DAB1: variants seen among roughly 807,000 people sequenced by gnomAD.
DAB1 encodes DAB adaptor protein 1.
A neutral mutation model predicts 64.6 loss-of-function variants in DAB1; 15 were observed. The ratio of observed to expected loss-of-function variants is 0.23; its 90% confidence interval spans 0.16 to 0.36. The LOEUF is 0.36. DAB1 is among the 10% of genes least tolerant of loss of function. DAB1 has a pLI of 1.00. For missense variants in DAB1, 596 were observed against 706.7 expected, an observed-to-expected ratio of 0.84 and a Z score of 1.78; for synonymous variants, 235 against 251.9, an observed-to-expected ratio of 0.93 and a Z score of 0.64.
At chr1:57,465,116 T>C (rs1686912400) in intron 7 of DAB1, among the ~76,000 whole-genome samples, 1 of 152,138 alleles carries the variant, frequency 6.6e-6, no homozygotes, top group Admixed American at 6.6e-5. Context: ...CTCTAGTTCA[T>C]CAAAATTCCT....
At chr1:58,274,871 C>A (rs490246) in intron 4 of DAB1, among the ~76,000 whole-genome samples, 96,623 of 151,562 alleles carry the variant, frequency 0.64, 32,600 homozygotes, top group East Asian at 0.87. Flanking sequence ...GGCTCGCGCA[C>A]GGTGCGCGCA....
chr1:57,136,638 C>A lies in DAB1; in HGVS notation c.211G>T (p.Val71Phe). The change falls in exon 4 of 15, where the codon GTT becomes TTT. Residue 71 changes from valine to phenylalanine, a missense_variant. By Grantham distance (50) the Val-to-Phe change is conservative. This residue lies in a region of DAB1 where 176 missense variants were observed against 266.7 expected (regional missense o/e 0.66). Coordinates refer to ENST00000371236, the MANE Select transcript of DAB1 (RefSeq NM_001365792.1). ...CQDSMMKLKG[V>F]VAGARSKGEH... ...CCTTTGGAACGAGCGCCAGCAACAA[C>A]GCCCTGTTGAAAGGAAGAACATGGT... 1 of 1,511,482 alleles carries A rather than the reference C, an allele frequency of 6.6e-7. No homozygotes were observed. Among genetic ancestry groups the A allele is most frequent in the Non-Finnish European group, 9.0e-7 (1 of 1,114,398 alleles). The allele number at this position is 1,511,482 out of a possible 1,614,324, so 93.6% of individuals were successfully genotyped here. A position where few individuals can be genotyped will look rare whatever the true frequency, so the allele number is the denominator to read the frequency against.
rs1645611625 is a variant in DAB1, at chr1:56,996,269, A to G, written c.*1875T>C. The G allele has an allele frequency of 6.6e-6, 1 of 152,216 alleles. No individual in the cohort carries two copies. The highest frequency in any genetic ancestry group is 2.4e-5 in the African/African-American group (1 of 41,456). The allele number at this position is 152,216 out of a possible 1,614,324, so 9.4% of individuals were successfully genotyped here. A position where few individuals can be genotyped will look rare whatever the true frequency, so the allele number is the denominator to read the frequency against. Reference sequence around the variant, plus strand: ...TTCTACTTTTCAAATCTAAAAACCAAATAATAATAATTATCCTCAAATCCA... The same window carrying G: ...TTCTACTTTTCAAATCTAAAAACCAGATAATAATAATTATCCTCAAATCCA... On this transcript the variant is annotated 3_prime_UTR_variant, in exon 15 of 15. Coordinates refer to ENST00000371236, the MANE Select transcript of DAB1 (RefSeq NM_001365792.1).
At chr1:57,189,859 A>C (rs529155971) in intron 2 of DAB1, among the ~76,000 whole-genome samples, 25 of 151,678 alleles carry the variant, frequency 1.6e-4, no homozygotes, top group African/African-American at 5.6e-4. Flanking sequence ...AAAAAAAAAA[A>C]ACACAACAGA....
chr1:58,534,275 A>T (rs1440587246), intron 1 of DAB1: 2 of 870,722 alleles, frequency 2.3e-6, no homozygotes, highest in Non-Finnish European at 4.0e-6. Context: ...CTTCTTTAAC[A>T]GCCAGGTATC....
At chr1:58,429,497 G>A (rs924368035) in intron 3 of DAB1, among the ~76,000 whole-genome samples, 5 of 152,200 alleles carry the variant, frequency 3.3e-5, no homozygotes, top group Non-Finnish European at 5.9e-5. Context: ...AACAGAGGAA[G>A]GCCTTTCCCT....
intron 5 of DAB1, among the ~76,000 whole-genome samples, chr1:57,993,799 T>C (rs1646383784): frequency 6.6e-6 from 1 of 152,188 alleles, no homozygotes; most frequent in African/African-American, 2.4e-5. Context: ...GTTTAGCTCG[T>C]TCCTTAGGTC....
chr1:57,111,243 G>A (rs781566308), intron 4 of DAB1, among the ~76,000 whole-genome samples: 2 of 152,120 alleles, frequency 1.3e-5, no homozygotes, highest in East Asian at 1.9e-4. Context: ...CAGGCCACGT[G>A]TTCAAGAGAA....
At chr1:57,685,001 T>C (rs1238822774) in intron 6 of DAB1, among the ~76,000 whole-genome samples, 2 of 151,784 alleles carry the variant, frequency 1.3e-5, no homozygotes, top group Admixed American at 6.6e-5. Context: ...TCACCCAGGC[T>C]GGAGTGAGTG....
chr1:58,259,011 C>T lies in DAB1; in HGVS notation n.309+84341G>A, dbSNP rs569465952. Among the ~76,000 whole-genome samples, 5 of 152,206 alleles carry T rather than the reference C, an allele frequency of 3.3e-5. No homozygotes were observed. In the East Asian group the frequency reaches 9.6e-4, roughly 29 times the overall value. On this transcript the variant is annotated intron_variant and non_coding_transcript_variant, in intron 4 of 20. Coordinates refer to the DAB1 transcript ENST00000485760. The stretch of plus-strand genomic sequence containing the variant: ...GCTTAACTTTCCTGAGCTGTGGTTT[C>T]CTCTATTCTTAAGTGAAATAATAAT...
intron 3 of DAB1, among the ~76,000 whole-genome samples, chr1:58,381,666 TA>T (rs1428213592): frequency 6.6e-6 from 1 of 152,162 alleles, no homozygotes; most frequent in African/African-American, 2.4e-5. Context: ...GGTTTTTAAA[TA>T]AACTGGGGGA....
At chr1:57,370,181 C>T (rs1680385295) in intron 1 of DAB1, among the ~76,000 whole-genome samples, 1 of 152,186 alleles carries the variant, frequency 6.6e-6, no homozygotes, top group Non-Finnish European at 1.5e-5. Context: ...AGGTGAGCTC[C>T]TGAGGGCAGC....
chr1:58,529,827 T>A (rs570884349), intron 1 of DAB1, among the ~76,000 whole-genome samples: 1 of 152,358 alleles, frequency 6.6e-6, no homozygotes, highest in African/African-American at 2.4e-5. Flanking sequence ...TAGAGATGAT[T>A]TAAAGTATAT....
Position 57,859,399 on chromosome 1 carries a change from T to C in DAB1, n.87+24600A>G, listed in dbSNP as rs544551981. 1.3e-3 allele frequency among the ~76,000 whole-genome samples: 192 copies of C among 152,270 alleles called. 1 individual carries two copies. Among genetic ancestry groups the C allele is most frequent in the South Asian group, 4.4e-3 (21 of 4,822 alleles). On this transcript the variant is annotated intron_variant and non_coding_transcript_variant, in intron 1 of 1. Coordinates refer to the DAB1 transcript ENST00000477280. ...AATATATATCTTATATTGTAGATAG[T>C]CTATGTGCCAGATGCCGTAATAGGC...
chr1:58,192,895 C>A (rs900430010), intron 4 of DAB1, among the ~76,000 whole-genome samples: 3 of 152,072 alleles, frequency 2.0e-5, no homozygotes, highest in Non-Finnish European at 4.4e-5. Flanking sequence ...GATGAAAAGA[C>A]TTCTGTGGAT....
chr1:57,469,559 A>C (rs1687070236), intron 7 of DAB1, among the ~76,000 whole-genome samples: 1 of 152,104 alleles, frequency 6.6e-6, no homozygotes, highest in Non-Finnish European at 1.5e-5. Flanking sequence ...TTGTTTCTTC[A>C]TTGAGGTAGT....
chr1:58,274,970 A>G (rs624929), intron 4 of DAB1, among the ~76,000 whole-genome samples: 139,545 of 151,810 alleles, frequency 0.92, 64,140 homozygotes, highest in South Asian at 0.95. Context: ...GGTCTTCTGC[A>G]TCGCTCACGC....
At chr1:57,756,522 G>T (rs1648814364) in intron 6 of DAB1, among the ~76,000 whole-genome samples, 1 of 152,090 alleles carries the variant, frequency 6.6e-6, no homozygotes, top group African/African-American at 2.4e-5. Flanking sequence ...TATCCTAAGG[G>T]CAGGGAAGTT....
At chr1:57,282,200 A>C (rs369365789) in intron 2 of DAB1, among the ~76,000 whole-genome samples, 53,772 of 137,450 alleles carry the variant, frequency 0.39, 11,981 homozygotes, top group Admixed American at 0.56. Context: ...AAAAAAAAAA[A>C]AAAAAAAAAA....
Sources: gnomAD v4.1 joint callset for allele counts (sites outside exome capture counted in the v4.1 genomes callset) on GRCh38, gnomAD v4.1.1 for gene constraint, gnomAD v4.1.1 regional missense constraint, MANE v1.5 for transcripts, NCBI Gene and HGNC (gene_info 2026-07-23, HGNC 2026-07-21) for gene names.